COBLL1: variants seen among roughly 807,000 people sequenced by gnomAD.
COBLL1 encodes the protein cordon-bleu protein-like 1.
COBLL1 carries 50 observed loss-of-function variants against 94.8 expected under a neutral mutation model. The ratio of observed to expected loss-of-function variants is 0.53; its 90% CI spans 0.42 to 0.67. The LOEUF is 0.67. COBLL1 is among the 30% of genes least tolerant of loss of function. COBLL1 has a pLI of 0.00. For synonymous variants in COBLL1, 448 were observed against 473.8 expected (o/e 0.95, Z 0.71); for missense variants, 1,362 against 1,348.7 (o/e 1.01, Z -0.15).
intron 2 of COBLL1, among the ~76,000 whole-genome samples, chr2:164,747,146 A>C (rs528898241): frequency 6.6e-6 from 1 of 152,288 alleles, no homozygotes; most frequent in East Asian, 1.9e-4. Flanking sequence ...CCTTACCACC[A>C]AAAAATAAAA....
rs1405146614 is a variant in COBLL1 at position 164,681,551 on chromosome 2, G to C, written c.*4395C>G. The C allele has an allele frequency of 6.6e-6, 1 of 152,274 alleles. No individual in the cohort carries two copies. Among genetic ancestry groups the C allele is most frequent in the African/African-American group, 2.4e-5 (1 of 41,452 alleles). The allele number at this position is 152,274 out of a possible 1,614,324, so 9.4% of individuals were successfully genotyped here. A position where few individuals can be genotyped will look rare whatever the true frequency, so the allele number is the denominator to read the frequency against. On this transcript the variant is annotated 3_prime_UTR_variant, in exon 14 of 14. Coordinates refer to ENST00000652658, the MANE Select transcript of COBLL1 (RefSeq NM_001365672.2). Reference sequence around the variant, plus strand: ...CACACAGCAAAAGGTACGGATGCAAGAGAGGGAAAGAACTGAGGCCATCAC... The same window carrying C: ...CACACAGCAAAAGGTACGGATGCAACAGAGGGAAAGAACTGAGGCCATCAC...
chr2:164,686,075 G>T, intron 13 of COBLL1, 43 bp from the exon 14 acceptor site: 1 of 1,079,658 alleles, frequency 9.3e-7, no homozygotes, highest in African/African-American at 1.6e-5. Flanking sequence ...ATTTAAAATG[G>T]GATAGCTGTC....
intron 2 of COBLL1, among the ~76,000 whole-genome samples, chr2:164,744,896 T>C (rs1030032380): frequency 6.6e-6 from 1 of 152,198 alleles, no homozygotes; most frequent in African/African-American, 2.4e-5. Context: ...GCCAATCCAA[T>C]GATTTGATGG....
intron 7 of COBLL1, 158 bp downstream of exon 7, chr2:164,721,917 A>G (rs1685464123): frequency 1.6e-5 from 8 of 501,332 alleles, no homozygotes; most frequent in Non-Finnish European, 2.5e-5. Context: ...TCTTAGAATG[A>G]GCTATTCATC....
chr2:164,793,423 C>A (rs578171037), intron 2 of COBLL1, among the ~76,000 whole-genome samples: 55 of 151,710 alleles, frequency 3.6e-4, no homozygotes, highest in African/African-American at 1.3e-3. Context: ...AAATTTAATT[C>A]TTTAACAAAA....
chr2:164,730,171 G>A, intron 3 of COBLL1, 56 bp from the exon 4 acceptor site: 2 of 1,430,296 alleles, frequency 1.4e-6, no homozygotes, highest in South Asian at 2.3e-5. Flanking sequence ...TTCTTAGAAT[G>A]CTTGTCTTCA....
intron 2 of COBLL1, among the ~76,000 whole-genome samples, chr2:164,812,806 T>C (rs1040400039): frequency 1.3e-5 from 2 of 152,086 alleles, no homozygotes; most frequent in African/African-American, 4.8e-5. Flanking sequence ...AAAAAGACTT[T>C]GTAAAAAAAA....
intron 2 of COBLL1, among the ~76,000 whole-genome samples, chr2:164,746,261 A>G (rs762341613): frequency 9.2e-5 from 14 of 152,168 alleles, no homozygotes; most frequent in Non-Finnish European, 1.8e-4. Context: ...GTCACTTCAT[A>G]ATCTAGTCTC....
chr2:164,715,814 A>G (rs1272157252), intron 7 of COBLL1, among the ~76,000 whole-genome samples: 1 of 152,202 alleles, frequency 6.6e-6, no homozygotes, highest in Admixed American at 6.6e-5. Context: ...TAAAATGCCC[A>G]GTGAAGATCA....
At chr2:164,763,343 G>A (rs183167063) in intron 2 of COBLL1, among the ~76,000 whole-genome samples, 1 of 151,954 alleles carries the variant, frequency 6.6e-6, no homozygotes, top group Admixed American at 6.6e-5. Context: ...CACACTATAG[G>A]TATGGTTGGG....
intron 2 of COBLL1, chr2:164,837,414 G>C (rs1683366252): frequency 2.2e-6 from 1 of 457,312 alleles, no homozygotes. Flanking sequence ...ATCCACGTTA[G>C]AGAAGGAAAT....
intron 2 of COBLL1, among the ~76,000 whole-genome samples, chr2:164,665,464 T>G (rs770672536): frequency 1.4e-5 from 2 of 141,724 alleles, no homozygotes; most frequent in African/African-American, 5.2e-5. Flanking sequence ...TACTGTAGTT[T>G]AAAAAAAAAA....
At chr2:164,841,899 G>T, upstream of COBLL1, 1 of 1,339,182 alleles carries the variant, frequency 7.5e-7, no homozygotes, top group Non-Finnish European at 1.0e-6. The surrounding 1 kb of genome is among the most constrained non-coding windows in gnomAD (Gnocchi z 5.5). Context: ...TCCCGCGGGC[G>T]GGGTGCGGGC....
intron 2 of COBLL1, chr2:164,837,438 C>A: frequency 2.2e-6 from 1 of 462,030 alleles, no homozygotes; most frequent in South Asian, 1.6e-5. Context: ...TTTTGACTAT[C>A]GCTCTCTTCT....
chr2:164,739,584 A>C (rs184521447), intron 3 of COBLL1, among the ~76,000 whole-genome samples: 19 of 152,336 alleles, frequency 1.2e-4, no homozygotes, highest in Admixed American at 8.5e-4. Context: ...TATACAAGAA[A>C]TATTCAGACA....
At chr2:164,819,918 T>C (rs1391152907) in intron 2 of COBLL1, among the ~76,000 whole-genome samples, 1 of 150,374 alleles carries the variant, frequency 6.7e-6, no homozygotes, top group Admixed American at 6.7e-5. Context: ...CTCTGCCCCC[T>C]GGGTTCAAGC....
chr2:164,673,085 A>T (rs1691272581), intron 1 of COBLL1, among the ~76,000 whole-genome samples: 1 of 152,214 alleles, frequency 6.6e-6, no homozygotes, highest in Non-Finnish European at 1.5e-5. Context: ...GGAAAAAGCA[A>T]TTGTCTTTAT....
intron 2 of COBLL1, among the ~76,000 whole-genome samples, chr2:164,816,468 T>C (rs1684754529): frequency 6.6e-6 from 1 of 152,116 alleles, no homozygotes; most frequent in Non-Finnish European, 1.5e-5. Context: ...AAGGAAAGCT[T>C]GATAGGAATT....
chr2:164,703,908 C>A (rs932688783), intron 9 of COBLL1, among the ~76,000 whole-genome samples: 2 of 152,108 alleles, frequency 1.3e-5, no homozygotes, highest in Admixed American at 1.3e-4. Context: ...AAAAGTATTA[C>A]TATAAATTAT....
Sources: allele counts gnomAD v4.1 joint callset (sites outside exome capture counted in the v4.1 genomes callset), GRCh38; gene constraint gnomAD v4.1.1; non-coding constraint Gnocchi (gnomAD v3.1); transcripts MANE v1.5; gene names NCBI Gene and HGNC (gene_info 2026-07-23, HGNC 2026-07-21).